PRKCA: variants seen among roughly 807,000 people sequenced by gnomAD.
PRKCA encodes the protein protein kinase C alpha.
In PRKCA, 27 loss-of-function variants were observed where a neutral mutation model predicts 87.0. The ratio of observed to expected loss-of-function variants is 0.31; its 90% CI spans 0.23 to 0.43. PRKCA has a LOEUF of 0.43. PRKCA is among the 20% of genes least tolerant of loss of function. The pLI is 1.00. For missense variants in PRKCA, 518 were observed against 852.3 expected (o/e 0.61, Z 4.88); for synonymous variants, 329 against 311.1 (o/e 1.06, Z -0.61).
At chr17:66,590,955 A>G (rs929785955) in intron 3 of PRKCA, among the ~76,000 whole-genome samples, 31 of 151,970 alleles carry the variant, frequency 2.0e-4, no homozygotes, top group Non-Finnish European at 3.5e-4. Context: ...TCAGCTGAAC[A>G]TCACTGGGGG....
intron 2 of PRKCA, among the ~76,000 whole-genome samples, chr17:66,492,408 A>G (rs780103265): frequency 6.6e-6 from 1 of 152,218 alleles, no homozygotes; most frequent in Non-Finnish European, 1.5e-5. Flanking sequence ...CCTGCAAATC[A>G]TAGACAGAAA....
At chr17:66,732,196 A>T (rs1973918813) in intron 8 of PRKCA, among the ~76,000 whole-genome samples, 1 of 151,896 alleles carries the variant, frequency 6.6e-6, no homozygotes, top group Non-Finnish European at 1.5e-5. Flanking sequence ...AATCATCCCA[A>T]TGGCTTTGCC....
At chr17:66,358,189 G>A (rs970390550) in intron 2 of PRKCA, among the ~76,000 whole-genome samples, 6 of 151,548 alleles carry the variant, frequency 4.0e-5, no homozygotes, top group African/African-American at 1.5e-4. Context: ...AAGTTTATTA[G>A]CGTTGGGATG....
chr17:66,746,327 A>C (rs1183121089), intron 13 of PRKCA, among the ~76,000 whole-genome samples: 1 of 151,758 alleles, frequency 6.6e-6, no homozygotes, highest in Non-Finnish European at 1.5e-5. Flanking sequence ...AGCCTGTTCC[A>C]GCTTTTGCTA....
intron 2 of PRKCA, among the ~76,000 whole-genome samples, chr17:66,360,192 A>G (rs1908304976): frequency 6.6e-6 from 1 of 152,168 alleles, no homozygotes; most frequent in Admixed American, 6.5e-5. Context: ...TCTTTGCAGT[A>G]TTTGAAGTTG....
At chr17:66,651,900 G>C (rs1030159381) in intron 5 of PRKCA, among the ~76,000 whole-genome samples, 1 of 152,138 alleles carries the variant, frequency 6.6e-6, no homozygotes, top group Non-Finnish European at 1.5e-5. Flanking sequence ...TGTCATACTT[G>C]ATGAACAGCA....
At chr17:66,416,667 G>T (rs950304221) in intron 2 of PRKCA, 1 of 152,182 alleles carries the variant, frequency 6.6e-6, no homozygotes, top group Non-Finnish European at 1.5e-5. Flanking sequence ...TATCAAAGAA[G>T]TTGAACAAGC....
chr17:66,638,823 G>A lies in PRKCA; in HGVS notation c.289-2532G>A, dbSNP rs1037035841. ...AGATCGTGCCACTGCACTCTAGCCTGGGCAACAGAGCAAGACTGTCTAAAA... is the reference window on the plus strand; with the variant it reads ...AGATCGTGCCACTGCACTCTAGCCTAGGCAACAGAGCAAGACTGTCTAAAA... On this transcript the variant is annotated intron_variant, in intron 3 of 16. Transcript: ENST00000413366. Among the ~76,000 whole-genome samples, 3 of 151,944 alleles carry A rather than the reference G, an allele frequency of 2.0e-5. No homozygotes were observed. The East Asian group carries it at 5.8e-4, about 29-fold the overall frequency.
chr17:66,565,656 T>C (rs1968868237), intron 3 of PRKCA, among the ~76,000 whole-genome samples: 1 of 152,146 alleles, frequency 6.6e-6, no homozygotes, highest in South Asian at 2.1e-4. Flanking sequence ...CCAACATCTA[T>C]GCATGTTGAA....
intron 2 of PRKCA, among the ~76,000 whole-genome samples, chr17:66,417,147 G>T (rs543587050): frequency 6.6e-6 from 1 of 152,010 alleles, no homozygotes; most frequent in East Asian, 1.9e-4. Context: ...TGATCCATTT[G>T]CCTCGGCCTC....
intron 13 of PRKCA, among the ~76,000 whole-genome samples, chr17:66,757,572 A>G (rs1332615936): frequency 2.4e-4 from 8 of 32,982 alleles, no homozygotes; most frequent in East Asian, 1.7e-3. Flanking sequence ...CTTTGGGAGG[A>G]AAAAAAAAAA....
At chr17:66,587,865 A>G (rs199949764) in intron 3 of PRKCA, among the ~76,000 whole-genome samples, 18,414 of 56,218 alleles carry the variant, frequency 0.33, 3,205 homozygotes, top group African/African-American at 0.45. Flanking sequence ...ATATATACAT[A>G]TGTATGTGTG....
At chr17:66,377,509 A>G (rs1909493242) in intron 2 of PRKCA, among the ~76,000 whole-genome samples, 1 of 148,546 alleles carries the variant, frequency 6.7e-6, no homozygotes, top group African/African-American at 2.5e-5. Context: ...ACATGTATAT[A>G]CGTATATATG....
At chr17:66,732,421 C>T (rs970446209) in intron 8 of PRKCA, among the ~76,000 whole-genome samples, 3 of 152,210 alleles carry the variant, frequency 2.0e-5, no homozygotes, top group Non-Finnish European at 2.9e-5. Flanking sequence ...CAGCCCTTCA[C>T]GGATCCCCAC....
At chr17:66,776,499 G>C (rs567040496) in intron 14 of PRKCA, among the ~76,000 whole-genome samples, 1 of 152,006 alleles carries the variant, frequency 6.6e-6, no homozygotes, top group Non-Finnish European at 1.5e-5. Context: ...TAGTAAAGAC[G>C]GGGTTTCACC....
intron 2 of PRKCA, among the ~76,000 whole-genome samples, chr17:66,457,033 C>T (rs923052590): frequency 6.6e-6 from 1 of 152,142 alleles, no homozygotes; most frequent in African/African-American, 2.4e-5. Flanking sequence ...GTTGTAGGCC[C>T]AGCTGTGTGG....
At chr17:66,483,058 G>A (rs186016261) in intron 2 of PRKCA, among the ~76,000 whole-genome samples, 1 of 152,150 alleles carries the variant, frequency 6.6e-6, no homozygotes, top group African/African-American at 2.4e-5. Flanking sequence ...GTGCTGTCCC[G>A]TAGAGCTGTC....
chr17:66,657,317 G>T (rs1300881796), intron 5 of PRKCA, among the ~76,000 whole-genome samples: 1 of 152,162 alleles, frequency 6.6e-6, no homozygotes, highest in Non-Finnish European at 1.5e-5. Context: ...CTTTTTCCTA[G>T]AATAAAGAAG....
At chr17:66,549,211 AG>A (rs1968253949) in intron 3 of PRKCA, among the ~76,000 whole-genome samples, 1 of 149,206 alleles carries the variant, frequency 6.7e-6, no homozygotes, top group African/African-American at 2.5e-5. Flanking sequence ...CATTTTACAG[AG>A]GGGGAAACTG....
Sources: allele counts gnomAD v4.1 joint callset (sites outside exome capture counted in the v4.1 genomes callset), GRCh38; gene constraint gnomAD v4.1.1; transcripts MANE v1.5; gene names NCBI Gene and HGNC (gene_info 2026-07-23, HGNC 2026-07-21).